Variants in HIVEP3 observed in about 807,000 individuals in gnomAD.
HIVEP3 encodes transcription factor HIVEP3.
A neutral mutation model predicts 152.8 loss-of-function variants in HIVEP3; 49 were observed. The ratio of observed to expected loss-of-function variants is 0.32; its 90% CI spans 0.26 to 0.41. The LOEUF is 0.41. Ranked by LOEUF, HIVEP3 falls within the 10% of genes least tolerant of loss-of-function variation. The pLI is 1.00. For synonymous variants in HIVEP3, 1,269 were observed against 1,289.0 expected, an observed-to-expected ratio of 0.98 and a Z score of 0.33; for missense variants, 2,790 against 3,103.3, an observed-to-expected ratio of 0.90 and a Z score of 2.40.
At chr1:41,872,852 T>C (rs953900639) in intron 1 of HIVEP3, among the ~76,000 whole-genome samples, 4 of 152,230 alleles carry the variant, frequency 2.6e-5, no homozygotes, top group Admixed American at 2.0e-4. Context: ...AAAGCTCTTA[T>C]GAACATCCAC....
chr1:41,772,584 T>C (rs949271781), intron 1 of HIVEP3, among the ~76,000 whole-genome samples: 4 of 152,258 alleles, frequency 2.6e-5, no homozygotes, highest in South Asian at 2.1e-4. Context: ...GCAGACCCGA[T>C]GTGGAGATCA....
chr1:41,958,644 T>C (rs1054551509), intron 1 of HIVEP3, among the ~76,000 whole-genome samples: 5 of 152,104 alleles, frequency 3.3e-5, no homozygotes, highest in Admixed American at 6.5e-5. Context: ...AGATCACAAC[T>C]ATGGCCCATT....
intron 1 of HIVEP3, among the ~76,000 whole-genome samples, chr1:41,821,810 C>T (rs908030421): frequency 1.2e-4 from 19 of 152,342 alleles, no homozygotes; most frequent in Middle Eastern, 3.4e-3. Context: ...GGGCCTTGGG[C>T]AGCCTCTGTC....
chr1:42,008,750 T>A (rs886373585), intron 1 of HIVEP3, among the ~76,000 whole-genome samples: 3 of 152,222 alleles, frequency 2.0e-5, no homozygotes, highest in African/African-American at 7.2e-5. Context: ...CACTACTGGC[T>A]GTCACAACAT....
At chr1:42,029,804 A>G (rs1490942774) in intron 1 of HIVEP3, among the ~76,000 whole-genome samples, 1 of 152,204 alleles carries the variant, frequency 6.6e-6, no homozygotes, top group African/African-American at 2.4e-5. Flanking sequence ...CCATTTTTGT[A>G]TGCATATTAC....
chr1:41,537,961 C>T (rs574719603), intron 5 of HIVEP3, among the ~76,000 whole-genome samples: 21 of 152,316 alleles, frequency 1.4e-4, no homozygotes, highest in African/African-American at 4.8e-4. Context: ...CTGAGCCTGG[C>T]GCTGGGCCAG....
intron 5 of HIVEP3, among the ~76,000 whole-genome samples, chr1:41,545,794 T>TCACCACCATCACCACCACCACCAC (rs1558049652): frequency 1.9e-5 from 2 of 105,310 alleles, no homozygotes; most frequent in Admixed American, 8.6e-5. Context: ...ACCACCACCA[T>TCACCACCATCACCACCACCACCAC]CACCACCATC....
intron 1 of HIVEP3, among the ~76,000 whole-genome samples, chr1:41,854,517 C>CTTTT (rs998972000): frequency 6.8e-4 from 70 of 103,612 alleles, no homozygotes; most frequent in Middle Eastern, 7.0e-3. Flanking sequence ...TCTTGCTGCA[C>CTTTT]TTTTTTTTTT....
intron 1 of HIVEP3, among the ~76,000 whole-genome samples, chr1:41,788,791 C>T (rs141590853): frequency 0.015 from 2,251 of 152,326 alleles, 23 homozygotes; most frequent in Non-Finnish European, 0.019. Flanking sequence ...CCAGGAACAT[C>T]CCCGTGGAAA....
intron 1 of HIVEP3, among the ~76,000 whole-genome samples, chr1:41,863,758 T>G (rs1241658457): frequency 6.6e-6 from 1 of 152,232 alleles, no homozygotes; most frequent in African/African-American, 2.4e-5. Flanking sequence ...TAGTTGGTTG[T>G]GTGACCTTGG....
upstream of HIVEP3, among the ~76,000 whole-genome samples, chr1:41,922,512 G>A (rs1644946665): frequency 6.6e-6 from 1 of 151,930 alleles, no homozygotes. Context: ...GAACAAATAA[G>A]GCAGGATAAC....
rs544241821 is a variant in HIVEP3 at position 41,899,201 on chromosome 1, C to A, written c.-801+19212G>T. ...ATTGTTCCTGAAGAAATAACTTGTT[C>A]ACTAGGAAATAACTTAAACCAGAAA... On this transcript the variant is annotated intron_variant, in intron 1 of 8. Transcript: ENST00000372583. 1.3e-4 allele frequency among the ~76,000 whole-genome samples: 20 copies of A among 152,302 alleles called. No individual in the cohort carries two copies. The South Asian group carries it at 4.1e-3, about 32-fold the overall frequency.
intron 5 of HIVEP3, chr1:41,535,562 A>C (rs1029809629): frequency 1.3e-5 from 2 of 152,244 alleles, no homozygotes; most frequent in Non-Finnish European, 2.9e-5. Flanking sequence ...AATTTCTCCC[A>C]GTGTCTGGAA....
At chr1:41,514,097 C>A (rs1387961738) in intron 7 of HIVEP3, among the ~76,000 whole-genome samples, 2 of 152,118 alleles carry the variant, frequency 1.3e-5, no homozygotes, top group Non-Finnish European at 2.9e-5. Flanking sequence ...GTAACTTGCC[C>A]ATGGAAGACA....
intron 5 of HIVEP3, among the ~76,000 whole-genome samples, chr1:41,546,384 G>A (rs181987391): frequency 3.9e-5 from 6 of 152,340 alleles, no homozygotes; most frequent in African/African-American, 1.4e-4. Context: ...AGAAAAGCAA[G>A]GAGTGCTCTT....
intron 1 of HIVEP3, among the ~76,000 whole-genome samples, chr1:41,702,682 AG>A (rs1406335915): frequency 6.6e-6 from 1 of 152,228 alleles, no homozygotes; most frequent in Admixed American, 6.5e-5. Flanking sequence ...GTGAGCCCCT[AG>A]GGGCATAGTC....
At chr1:41,647,363 ACTCACC>A (rs1297360532) in intron 2 of HIVEP3, among the ~76,000 whole-genome samples, 1 of 151,830 alleles carries the variant, frequency 6.6e-6, no homozygotes, top group African/African-American at 2.4e-5. Flanking sequence ...GCAGACACAC[ACTCACC>A]CTCCTGGCTG....
intron 6 of HIVEP3, 121 bp from the exon 7 acceptor site, chr1:41,518,609 C>A: frequency 3.3e-6 from 3 of 913,922 alleles, no homozygotes; most frequent in Non-Finnish European, 3.5e-6. Flanking sequence ...CAAGGCCCTG[C>A]CAGCTGCAGG....
chr1:41,783,815 G>A (rs1390124155), intron 1 of HIVEP3, among the ~76,000 whole-genome samples: 1 of 152,184 alleles, frequency 6.6e-6, no homozygotes, highest in Non-Finnish European at 1.5e-5. Flanking sequence ...CTGCTCCCTA[G>A]AATCAATGAA....
Sources: gnomAD v4.1 joint callset for allele counts (sites outside exome capture counted in the v4.1 genomes callset) on GRCh38, gnomAD v4.1.1 for gene constraint, MANE v1.5 for transcripts, NCBI Gene and HGNC (gene_info 2026-07-23, HGNC 2026-07-21) for gene names.